Variants in KPNA7 observed in about 807,000 individuals in gnomAD.
The protein encoded by KPNA7 is importin subunit alpha-8.
KPNA7 carries 54 observed loss-of-function variants against 53.7 expected under a neutral mutation model. The ratio of observed to expected loss-of-function variants is 1.01; its 90% CI spans 0.81 to 1.26. The LOEUF (loss-of-function observed/expected upper bound fraction) is 1.26, where lower values mean the gene tolerates loss of function less well. Ranked by LOEUF, KPNA7 falls within the 50% of genes most tolerant of loss-of-function variation. The probability of loss-of-function intolerance (pLI) is 0.00; values close to 1 mark genes in which losing one functional copy is unlikely to be tolerated. For synonymous variants in KPNA7, 276 were observed against 259.3 expected (o/e 1.06, Z -0.62); for missense variants, 640 against 644.5 (o/e 0.99, Z 0.07).
the KPNA7 span, among the ~76,000 whole-genome samples, chr7:99,146,129 C>A: frequency 6.6e-6 from 1 of 152,274 alleles, no homozygotes; most frequent in South Asian, 2.1e-4. Flanking sequence ...AGTCTCCTCT[C>A]TAAACAAAAC....
In KPNA7 at chr7:99,207,262, T is replaced by G. The variant is rs541741276; in HGVS notation, c.66+139A>C. Reference sequence around the variant, plus strand: ...GTTGGCCAGGATCGTCTTAACCTCCTGACCTTGTGATCTGCCCGTCTCAGC... The same window carrying G: ...GTTGGCCAGGATCGTCTTAACCTCCGGACCTTGTGATCTGCCCGTCTCAGC... On this transcript the variant is annotated intron_variant, in intron 2 of 10. Transcript: ENST00000327442. The G allele has an allele frequency of 1.0e-4, 71 of 703,542 alleles. No homozygotes were observed. In the East Asian group the frequency reaches 1.9e-3, roughly 18 times the overall value. 43.6% of individuals were successfully genotyped at this position (703,542 alleles called of 1,614,324 possible).
At chr7:99,216,327 C>T (rs1584327811) in intron 1 of KPNA7, among the ~76,000 whole-genome samples, 1 of 152,016 alleles carries the variant, frequency 6.6e-6, no homozygotes, top group East Asian at 1.9e-4. Flanking sequence ...CTGCACCTGG[C>T]CCAAGTCAGT....
the KPNA7 span, among the ~76,000 whole-genome samples, chr7:99,166,332 C>CT: frequency 3.4e-5 from 5 of 148,512 alleles, no homozygotes; most frequent in African/African-American, 5.3e-5. Context: ...TTCCTCGTTA[C>CT]TTTTTTTGAG....
chr7:99,205,491 C>T (rs1055766262), intron 2 of KPNA7, among the ~76,000 whole-genome samples: 2 of 151,700 alleles, frequency 1.3e-5, no homozygotes, highest in African/African-American at 2.4e-5. Context: ...GTGCTTCCCT[C>T]GTTCTCCTAA....
At chr7:99,210,017 A>G (rs1791019208), upstream of KPNA7, among the ~76,000 whole-genome samples, 1 of 151,058 alleles carries the variant, frequency 6.6e-6, no homozygotes, top group South Asian at 2.2e-4. Context: ...AAAACAAACA[A>G]ACAAAAAAAA....
At chr7:99,184,001 C>T (rs1789433012) in intron 8 of KPNA7, among the ~76,000 whole-genome samples, 1 of 152,022 alleles carries the variant, frequency 6.6e-6, no homozygotes, top group African/African-American at 2.4e-5. Flanking sequence ...GCACCCACCA[C>T]CACACCTGGC....
the KPNA7 span, among the ~76,000 whole-genome samples, chr7:99,160,918 G>C: frequency 6.6e-6 from 1 of 151,662 alleles, no homozygotes; most frequent in Non-Finnish European, 1.5e-5. Context: ...CCAGACTGGA[G>C]TGCAGTCACA....
chr7:99,215,942 G>T (rs1376698126), intron 1 of KPNA7, among the ~76,000 whole-genome samples: 1 of 150,154 alleles, frequency 6.7e-6, no homozygotes, highest in East Asian at 2.0e-4. Context: ...GCACCACTAC[G>T]CTCCAGCCTA....
intron 1 of KPNA7, among the ~76,000 whole-genome samples, chr7:99,215,834 G>A (rs1297224125): frequency 1.3e-5 from 2 of 151,982 alleles, no homozygotes; most frequent in East Asian, 1.9e-4. Context: ...ATATAGCCAG[G>A]TGGTTGCTGT....
chr7:99,203,557 T>A (rs573566914), intron 2 of KPNA7, among the ~76,000 whole-genome samples: 1 of 152,040 alleles, frequency 6.6e-6, no homozygotes, highest in Non-Finnish European at 1.5e-5. Context: ...CACATCTTCA[T>A]TGATGCTGAT....
At chr7:99,201,960 G>A (rs768752345) in intron 3 of KPNA7, among the ~76,000 whole-genome samples, 24 of 152,032 alleles carry the variant, frequency 1.6e-4, no homozygotes, top group Non-Finnish European at 2.8e-4. Flanking sequence ...CACCCACCTC[G>A]GCCTCCCAAA....
the KPNA7 span, among the ~76,000 whole-genome samples, chr7:99,153,221 A>G: frequency 6.6e-6 from 1 of 152,212 alleles, no homozygotes; most frequent in Admixed American, 6.5e-5. Flanking sequence ...TGGTACCAAC[A>G]GTGAATGACT....
At chr7:99,191,088 GC>G (rs1789924429) in intron 6 of KPNA7, among the ~76,000 whole-genome samples, 1 of 151,740 alleles carries the variant, frequency 6.6e-6, no homozygotes, top group African/African-American at 2.4e-5. Context: ...CTGGCTTCTT[GC>G]TGTCTCCCTT....
intron 1 of KPNA7, among the ~76,000 whole-genome samples, chr7:99,207,821 A>C (rs1292989738): frequency 6.6e-6 from 1 of 151,156 alleles, no homozygotes; most frequent in Non-Finnish European, 1.5e-5. Flanking sequence ...TTTTTAGTAG[A>C]GACGGGGTTT....
chr7:99,178,577 T>A (rs929220576), intron 9 of KPNA7, among the ~76,000 whole-genome samples: 1 of 150,944 alleles, frequency 6.6e-6, no homozygotes, highest in African/African-American at 2.4e-5. Context: ...CAAAAAAAAA[T>A]TAATAAAGAA....
At chr7:99,213,508 A>G (rs577414764) in intron 1 of KPNA7, among the ~76,000 whole-genome samples, 2 of 151,004 alleles carry the variant, frequency 1.3e-5, no homozygotes. Context: ...CAGCGGAGCA[A>G]TCATAACTCA....
rs1287075598 is a variant in KPNA7, at chr7:99,188,288, G to A, written c.900+12C>T. 1.3e-6 allele frequency: 2 copies of A among 1,549,126 alleles called. No individual in the cohort carries two copies. Among genetic ancestry groups the A allele is most frequent in the Admixed American group, 2.0e-5 (1 of 50,896 alleles). On this transcript the variant is annotated intron_variant, in intron 7 of 10. Coordinates refer to ENST00000327442, the MANE Select transcript of KPNA7 (RefSeq NM_001145715.3). Reference sequence around the variant, plus strand: ...GAGGACTCGAATCCACAGGGCCCAGGATTGCATTTACCAAGACATTGAGTT... The same window carrying A: ...GAGGACTCGAATCCACAGGGCCCAGAATTGCATTTACCAAGACATTGAGTT...
intron 2 of KPNA7, 131 bp from the exon 3 acceptor site, chr7:99,203,371 A>T: frequency 1.2e-6 from 1 of 840,756 alleles, no homozygotes; most frequent in South Asian, 1.8e-5. Flanking sequence ...CAGATCACAC[A>T]GTTAGTAAAT....
upstream of KPNA7, among the ~76,000 whole-genome samples, chr7:99,209,201 A>T (rs73405104): frequency 4.0e-5 from 6 of 151,898 alleles, no homozygotes; most frequent in African/African-American, 1.5e-4. Flanking sequence ...GAGGAGTTAT[A>T]AATCAGGCAT....
Sources: allele counts gnomAD v4.1 joint callset (sites outside exome capture counted in the v4.1 genomes callset), GRCh38; gene constraint gnomAD v4.1.1; transcripts MANE v1.5; gene names NCBI Gene and HGNC (gene_info 2026-07-23, HGNC 2026-07-21).